ANAPC2: variants seen among roughly 807,000 people sequenced by gnomAD.
ANAPC2 encodes the protein anaphase-promoting complex subunit 2.
ANAPC2 carries 29 observed loss-of-function variants against 84.3 expected under a neutral mutation model. That is an observed-to-expected ratio of 0.34 (90% CI 0.26 to 0.47). The LOEUF (loss-of-function observed/expected upper bound fraction) is 0.47, where lower values mean the gene tolerates loss of function less well. Among genes scored for constraint, ANAPC2 ranks in the 20% least tolerant of loss-of-function variants. The probability of loss-of-function intolerance (pLI) is 1.00; values close to 1 mark genes in which losing one functional copy is unlikely to be tolerated. For missense variants in ANAPC2, 857 were observed against 1,131.7 expected, an observed-to-expected ratio of 0.76 and a Z score of 3.48; for synonymous variants, 571 against 479.4, an observed-to-expected ratio of 1.19 and a Z score of -2.50.
rs772081667 is a variant in ANAPC2, at chr9:137,175,332, G to A, written c.2161C>T (p.Pro721Ser). The part of the protein sequence containing the change: ...GTFSVIEEER[P>S]QDRDNMVLID... ...AGCACCATGTTGTCCCGGTCCTGAGGCCGCTCCTCCTCAATGACAGAGAAG... is the reference window on the plus strand; with the variant it reads ...AGCACCATGTTGTCCCGGTCCTGAGACCGCTCCTCCTCAATGACAGAGAAG... Residue 721 changes from proline to serine, a missense_variant, in exon 12 of 13, where the codon CCT (proline) becomes TCT (serine). Physicochemically the swap from Pro to Ser is moderately conservative, Grantham distance 74 (BLOSUM62 -1). Transcript: ENST00000323927. 11 of 1,612,528 alleles carry A rather than the reference G, an allele frequency of 6.8e-6. No homozygotes were observed. The Admixed American group carries it at 1.2e-4, about 17-fold the overall frequency.
At position 137,186,347 on chromosome 9, in the gene ANAPC2, G is replaced by C. The variant is rs929364330; in HGVS notation, c.750C>G (p.Leu250=). ...FHQLSQVLHR[L]SLLERVSAEA... ...CGGCACTGACCCGCTCCAGCAGACT[G>C]AGCCTGTGTCTAGAGGAGAGCCCTG... The change falls in exon 3 of 13, where the codon CTC becomes CTG. Residue 250 remains leucine (L), a synonymous_variant. Transcript: ENST00000323927. 5 of 1,605,158 alleles carry C rather than the reference G, an allele frequency of 3.1e-6. No homozygotes were observed. The highest frequency in any genetic ancestry group is 4.2e-6 in the Non-Finnish European group (5 of 1,177,250).
intron 4 of ANAPC2, among the ~76,000 whole-genome samples, chr9:137,184,595 G>C (rs1003272336): frequency 7.2e-6 from 1 of 139,318 alleles, no homozygotes; most frequent in East Asian, 2.2e-4. Flanking sequence ...CAGACACGGC[G>C]AAGGCCCTGG....
intron 10 of ANAPC2, 146 bp from the exon 11 acceptor site, chr9:137,175,983 G>C: frequency 4.8e-6 from 5 of 1,032,012 alleles, no homozygotes; most frequent in Non-Finnish European, 6.8e-6. Flanking sequence ...CGAGAGCACA[G>C]GACTGGGTGG....
At position 137,175,345 on chromosome 9, in the gene ANAPC2, A is replaced by T. The variant is rs1244604824; in HGVS notation, c.2148T>A (p.Ile716=). The T allele has an allele frequency of 6.2e-7, 1 of 1,612,320 alleles. No individual in the cohort carries two copies. The highest frequency in any genetic ancestry group is 8.5e-7 in the Non-Finnish European group (1 of 1,179,810). ...CCCGGTCCTGAGGCCGCTCCTCCTC[A>T]ATGACAGAGAAGGTGCCGGGGGGCT... ...REEPPGTFSV[I]EEERPQDRDN... The change falls in exon 12 of 13, where the codon ATT becomes ATA. Residue 716 remains isoleucine (I), a synonymous_variant. Transcript: ENST00000323927.
At chr9:137,188,179 G>C in intron 1 of ANAPC2, 76 bp from the exon 2 acceptor site, 1 of 1,526,572 alleles carries the variant, frequency 6.6e-7, no homozygotes, top group South Asian at 1.2e-5. Flanking sequence ...AAGAAGCTGA[G>C]GGGGAGGCTG....
In ANAPC2 at chr9:137,188,545, A is replaced by G; in HGVS notation, c.-13T>C. On this transcript the variant is annotated 5_prime_UTR_variant, in exon 1 of 13. Transcript: ENST00000323927. ...CTGCCGCCGCCATCTGCACCCACCG[A>G]CTCCGAGATTCGCTCGGCGCGGCGC... is the stretch of plus-strand genomic sequence containing the variant. 1 of 1,595,370 alleles carries G rather than the reference A, an allele frequency of 6.3e-7. No homozygotes were observed.
At chr9:137,180,137 G>A (rs1316665113) in intron 10 of ANAPC2, 44 bp downstream of exon 10, 1 of 1,592,898 alleles carries the variant, frequency 6.3e-7, no homozygotes, top group African/African-American at 1.3e-5. Context: ...GCAGTGCAGG[G>A]TAGGGGTGCC....
intron 8 of ANAPC2, 26 bp from the exon 9 acceptor site, chr9:137,180,553 G>A (rs778976859): frequency 2.5e-5 from 40 of 1,612,448 alleles, no homozygotes; most frequent in Non-Finnish European, 3.3e-5. Flanking sequence ...TCTGGGCAGG[G>A]GGTCGTGATG....
chr9:137,181,145 C>T (rs1014138543), intron 7 of ANAPC2, among the ~76,000 whole-genome samples: 1 of 152,236 alleles, frequency 6.6e-6, no homozygotes, highest in Non-Finnish European at 1.5e-5. Flanking sequence ...CAGGGACCTT[C>T]CGGGACTCCC....
At chr9:137,175,502 A>C in intron 11 of ANAPC2, 30 bp from the exon 12 acceptor site, 1 of 1,527,140 alleles carries the variant, frequency 6.5e-7, no homozygotes, top group South Asian at 1.2e-5. Flanking sequence ...GACGCTGGGC[A>C]GCCTGGGCAC....
chr9:137,175,529 G>A (rs1834189677), intron 11 of ANAPC2, 57 bp from the exon 12 acceptor site: 1 of 1,496,700 alleles, frequency 6.7e-7, no homozygotes, highest in Non-Finnish European at 9.0e-7. Context: ...CACCTCCCCT[G>A]CCTCCCGTCA....
Position 137,188,029 on chromosome 9 carries a change from G to A in ANAPC2, c.192C>T (p.Gly64=), listed in dbSNP as rs774271866. 4.3e-6 allele frequency: 7 copies of A among 1,613,684 alleles called. No homozygotes were observed. In the Admixed American group the frequency reaches 5.0e-5, roughly 12 times the overall value. ...ELRAAVEVLR[G]HGLHSVLEEW... is the part of the protein sequence containing the mutation. ...CCTCCAGGACCGAGTGTAGCCCGTG[G>A]CCCCTCAGAACCTCCACCGCCGCCC... The change falls in exon 2 of 13, where the codon GGC becomes GGT. Residue 64 remains glycine, a synonymous_variant. Transcript: ENST00000323927.
chr9:137,176,032 G>A (rs902708732), intron 10 of ANAPC2, 195 bp from the exon 11 acceptor site: 17 of 609,738 alleles, frequency 2.8e-5, no homozygotes, highest in African/African-American at 2.7e-4. Flanking sequence ...GGGCAATGGG[G>A]CCAGCATCAT....
At chr9:137,183,485 A>G (rs1444093947) in intron 5 of ANAPC2, 187 bp downstream of exon 5, 3 of 956,838 alleles carry the variant, frequency 3.1e-6, no homozygotes, top group East Asian at 2.7e-5. Flanking sequence ...ACTCCCTCCA[A>G]AGAAGAAACA....
rs1384495264 is a variant in ANAPC2 at position 137,175,219 on chromosome 9, T to C, written c.2256+18A>G. ...CTCGCCCCCGCCCCCTGGCCCCCCG[T>C]GGGGCCTGCACGCGCACCAGCAGCT... On this transcript the variant is annotated intron_variant, in intron 12 of 12. Coordinates refer to ENST00000323927, the MANE Select transcript of ANAPC2 (RefSeq NM_013366.4). 1 of 1,609,588 alleles carries C rather than the reference T, an allele frequency of 6.2e-7. No homozygotes were observed. The highest frequency in any genetic ancestry group is 1.3e-5 in the African/African-American group (1 of 74,976).
intron 3 of ANAPC2, among the ~76,000 whole-genome samples, chr9:137,185,686 T>C (rs1166194742): frequency 6.6e-6 from 1 of 152,062 alleles, no homozygotes; most frequent in East Asian, 1.9e-4. Context: ...AGGTGACACA[T>C]GGGAACAGGA....
At position 137,187,831 on chromosome 9, in the gene ANAPC2, C is replaced by T. The variant is rs1834511995; in HGVS notation, c.390G>A (p.Glu130=). 3.7e-6 allele frequency: 6 copies of T among 1,613,522 alleles called. 1 individual carries two copies. The South Asian group carries it at 6.6e-5, about 18-fold the overall frequency. ...SRLDPYLRSL[E]LLEKWTRLGL... ...CCAGGCGAGTCCATTTCTCCAGCAGCTCTAGGCTACGCAGGTAGGGATCCA... is the reference window on the plus strand; with the variant it reads ...CCAGGCGAGTCCATTTCTCCAGCAGTTCTAGGCTACGCAGGTAGGGATCCA... The change falls in exon 2 of 13, where the codon GAG becomes GAA. Residue 130 remains glutamate, a synonymous_variant. Transcript: ENST00000323927.
chr9:137,183,238 G>T lies in ANAPC2; in HGVS notation c.1173C>A (p.Val391=). The change falls in exon 6 of 13, where the codon GTC becomes GTA. Residue 391 remains valine, a synonymous_variant. Coordinates refer to ENST00000323927, the MANE Select transcript of ANAPC2 (RefSeq NM_013366.4). ...AGAGGGTGATGATGTCACACGTGTT[G>T]ACGCCTACAGCCAGGGCAGAAGCCA... ...ALETRLLHPG[V]NTCDIITLYI... The T allele has an allele frequency of 6.2e-7, 1 of 1,612,428 alleles. No homozygotes were observed. Among genetic ancestry groups the T allele is most frequent in the Non-Finnish European group, 8.5e-7 (1 of 1,179,402 alleles).
At chr9:137,188,312 G>A (rs771727893) in intron 1 of ANAPC2, 104 bp downstream of exon 1, 204 of 1,360,124 alleles carry the variant, frequency 1.5e-4, no homozygotes, top group Non-Finnish European at 1.9e-4. Flanking sequence ...ACAGGACAGA[G>A]GCGGATGATG....
Sources: gnomAD v4.1 joint callset for allele counts (sites outside exome capture counted in the v4.1 genomes callset) on GRCh38, gnomAD v4.1.1 for gene constraint, MANE v1.5 for transcripts, NCBI Gene and HGNC (gene_info 2026-07-23, HGNC 2026-07-21) for gene names.